HM13: variants seen among roughly 807,000 people sequenced by gnomAD.
HM13 encodes the protein signal peptide peptidase.
In HM13, 18 loss-of-function variants were observed where a neutral mutation model predicts 50.0. The ratio of observed to expected loss-of-function variants is 0.36; its 90% CI spans 0.25 to 0.53. The LOEUF is 0.53. Among genes scored for constraint, HM13 ranks in the 20% least tolerant of loss-of-function variants. The probability of loss-of-function intolerance (pLI) is 0.90; values close to 1 mark genes in which losing one functional copy is unlikely to be tolerated. For synonymous variants in HM13, 197 were observed against 232.6 expected (o/e 0.85, Z 1.39); for missense variants, 393 against 552.4 (o/e 0.71, Z 2.89).
chr20:31,558,881 G>A (rs566001393), intron 8 of HM13, among the ~76,000 whole-genome samples: 33 of 152,094 alleles, frequency 2.2e-4, no homozygotes, highest in African/African-American at 7.7e-4. Flanking sequence ...CTGCCACCAC[G>A]TCTGGCTAAT....
At chr20:31,568,923 G>C (rs1389903863) in intron 12 of HM13, among the ~76,000 whole-genome samples, 197 bp from the exon 13 acceptor site, 1 of 152,212 alleles carries the variant, frequency 6.6e-6, no homozygotes, top group African/African-American at 2.4e-5. Context: ...AGAGAAAGCA[G>C]AGCAGCCTGC....
At chr20:31,566,363 G>C (rs1451189625) in intron 11 of HM13, 68 bp downstream of exon 11, 1 of 1,284,720 alleles carries the variant, frequency 7.8e-7, no homozygotes. Context: ...AGTGGAACCT[G>C]CTGGGGGTAT....
At chr20:31,526,250 C>G (rs889720663) in intron 1 of HM13, among the ~76,000 whole-genome samples, 6 of 151,692 alleles carry the variant, frequency 4.0e-5, no homozygotes, top group Non-Finnish European at 5.9e-5. Context: ...CCTCCACCTC[C>G]TGGGTTCAAG....
chr20:31,547,233 C>G (rs1409689371), intron 4 of HM13: 1 of 190,046 alleles, frequency 5.3e-6, no homozygotes, highest in Non-Finnish European at 1.1e-5. Context: ...CTTGTCAAGC[C>G]CTACTGTTTC....
chr20:31,549,649 G>T (rs1983921916), intron 6 of HM13, among the ~76,000 whole-genome samples: 1 of 152,168 alleles, frequency 6.6e-6, no homozygotes, highest in Admixed American at 6.5e-5. Context: ...GGTAGGGGTG[G>T]AAGAATGTTG....
chr20:31,561,839 C>T lies in HM13; in HGVS notation c.948+103C>T. The T allele has an allele frequency of 5.1e-6, 4 of 790,874 alleles. No individual in the cohort carries two copies. In the Admixed American group the frequency reaches 7.8e-5, roughly 15 times the overall value. The allele number at this position is 790,874 out of a possible 1,614,324, so 49.0% of individuals were successfully genotyped here. A position where few individuals can be genotyped will look rare whatever the true frequency, so the allele number is the denominator to read the frequency against. On this transcript the variant is annotated intron_variant, in intron 10 of 12. Coordinates refer to ENST00000398174, the MANE Select transcript of HM13 (RefSeq NM_178581.3). Reference sequence around the variant, plus strand: ...GCAAGCAGTCCAGAGATAGGCACTCCCCACTGGTGTTGGAGCAGTCATGTC... The same window carrying T: ...GCAAGCAGTCCAGAGATAGGCACTCTCCACTGGTGTTGGAGCAGTCATGTC...
At chr20:31,559,561 ACTGCCCTGCTGCTTCC>A (rs1438409361) in intron 8 of HM13, 34 bp from the exon 9 acceptor site, 1 of 1,594,826 alleles carries the variant, frequency 6.3e-7, no homozygotes, top group African/African-American at 1.3e-5. Context: ...CTGTTAGTTC[ACTGCCCTGCTGCTTCC>A]CTGCCACTCT....
rs369708751 is a variant in HM13, at chr20:31,514,829, C to T, written c.183+95C>T. On this transcript the variant is annotated intron_variant, in intron 1 of 12. Coordinates refer to ENST00000398174, the MANE Select transcript of HM13 (RefSeq NM_178581.3). The surrounding 1 kb of genome is among the most constrained non-coding windows in gnomAD (Gnocchi z 4.3). ...GGCGGGACAGACACCTCTCCCCGGA[C>T]ACTGACTCTTCCCAGCCCTGATCAC... 2,659 of 1,180,248 alleles carry T rather than the reference C, an allele frequency of 2.3e-3. 5 individuals carry two copies. The highest frequency in any genetic ancestry group is 2.8e-3 in the Non-Finnish European group (2,398 of 865,370). The allele number at this position is 1,180,248 out of a possible 1,614,324, so 73.1% of individuals were successfully genotyped here.
At chr20:31,519,649 A>G (rs1340882244) in intron 1 of HM13, among the ~76,000 whole-genome samples, 1 of 152,170 alleles carries the variant, frequency 6.6e-6, no homozygotes, top group East Asian at 1.9e-4. Flanking sequence ...GTGTGTTTTA[A>G]CAAGCCCACC....
At chr20:31,532,148 C>T (rs868852899) in intron 2 of HM13, among the ~76,000 whole-genome samples, 16 of 151,456 alleles carry the variant, frequency 1.1e-4, no homozygotes, top group Non-Finnish European at 1.3e-4. Context: ...GAATTTAGGC[C>T]GGGCGCGGTG....
intron 2 of HM13, among the ~76,000 whole-genome samples, chr20:31,530,807 C>T (rs1982769797): frequency 6.6e-6 from 1 of 152,134 alleles, no homozygotes; most frequent in Non-Finnish European, 1.5e-5. Flanking sequence ...GCAGTATTGT[C>T]GTGAACACTT....
At chr20:31,539,571 G>A (rs1419275487) in intron 3 of HM13, 13 of 874,724 alleles carry the variant, frequency 1.5e-5, no homozygotes, top group Non-Finnish European at 1.6e-5. Flanking sequence ...CAAGGCAGGC[G>A]GATCACAAGG....
At chr20:31,529,367 C>T (rs1355367896) in intron 2 of HM13, among the ~76,000 whole-genome samples, 1 of 151,926 alleles carries the variant, frequency 6.6e-6, no homozygotes, top group African/African-American at 2.4e-5. Flanking sequence ...CACCCTGCCT[C>T]CAGAGTAGCT....
At chr20:31,547,870 C>T (rs1335623791) in intron 4 of HM13, 3 of 981,190 alleles carry the variant, frequency 3.1e-6, no homozygotes, top group East Asian at 4.8e-5. Flanking sequence ...TGGAGCTAAG[C>T]TGTACCCTGC....
intron 2 of HM13, among the ~76,000 whole-genome samples, chr20:31,532,592 A>C (rs1982883938): frequency 6.6e-6 from 1 of 151,868 alleles, no homozygotes; most frequent in African/African-American, 2.4e-5. Context: ...CAGCTGCTTT[A>C]ATGCATTTGA....
intron 3 of HM13, chr20:31,538,592 C>T (rs1600639462): frequency 1.6e-6 from 2 of 1,282,146 alleles, no homozygotes; most frequent in African/African-American, 1.5e-5. Flanking sequence ...GTGTTGTGGC[C>T]TAGCTGTGTG....
chr20:31,518,265 C>T (rs1309756394), intron 1 of HM13, among the ~76,000 whole-genome samples: 1 of 151,472 alleles, frequency 6.6e-6, no homozygotes, highest in Non-Finnish European at 1.5e-5. Context: ...AAACTCCCGA[C>T]CTCAGGTGAT....
intron 8 of HM13, among the ~76,000 whole-genome samples, chr20:31,558,633 C>T (rs1014930905): frequency 1.1e-4 from 17 of 152,204 alleles, no homozygotes; most frequent in African/African-American, 4.1e-4. Flanking sequence ...CATCCTGTTA[C>T]ACCTTCTTAC....
intron 1 of HM13, among the ~76,000 whole-genome samples, chr20:31,517,410 T>C (rs1727411228): frequency 6.6e-6 from 1 of 152,136 alleles, no homozygotes. Context: ...ACATTAAACA[T>C]TGGTTTAAAG....
Sources: gnomAD v4.1 joint callset for allele counts (sites outside exome capture counted in the v4.1 genomes callset) on GRCh38, gnomAD v4.1.1 for gene constraint, Gnocchi (gnomAD v3.1) non-coding constraint, MANE v1.5 for transcripts, NCBI Gene and HGNC (gene_info 2026-07-23, HGNC 2026-07-21) for gene names.